Variants in MYCBP observed in about 807,000 individuals in gnomAD.
MYCBP encodes C-Myc-binding protein.
Under a neutral mutation model 16.8 loss-of-function variants are expected in MYCBP, and 5 were observed. That is an observed-to-expected ratio of 0.30 (90% CI 0.16 to 0.63). MYCBP has a LOEUF of 0.63. MYCBP is among the 20% of genes least tolerant of loss of function. The pLI is 0.83. For missense variants in MYCBP, 103 were observed against 121.8 expected, an observed-to-expected ratio of 0.85 and a Z score of 0.73; for synonymous variants, 35 against 43.7, an observed-to-expected ratio of 0.80 and a Z score of 0.79.
intron 2 of MYCBP, among the ~76,000 whole-genome samples, chr1:38,871,427 CTTTTTT>C (rs71573793): frequency 8.1e-5 from 9 of 110,592 alleles, no homozygotes; most frequent in African/African-American, 2.6e-4. Context: ...CCACCTGTCA[CTTTTTT>C]TTTTTTTTTT....
chr1:38,868,658 C>G (rs547954465), intron 2 of MYCBP, among the ~76,000 whole-genome samples: 9 of 152,250 alleles, frequency 5.9e-5, no homozygotes, highest in African/African-American at 9.6e-5. Context: ...GTAATCCCAG[C>G]ACTTTGGGAG....
In MYCBP at chr1:38,865,864, T is replaced by C. The variant is rs554881082; in HGVS notation, c.267+1016A>G. ...TCCTAACAAATTTACAGAGGGCCGC[T>C]ACATATGGCCTTGCAAACTATGAAC... On this transcript the variant is annotated intron_variant, in intron 4 of 4. Coordinates refer to ENST00000397572, the MANE Select transcript of MYCBP (RefSeq NM_012333.5). Among the ~76,000 whole-genome samples, 18 of 152,186 alleles carry C rather than the reference T, an allele frequency of 1.2e-4. No homozygotes were observed. The South Asian group carries it at 3.5e-3, about 30-fold the overall frequency.
At position 38,866,044 on chromosome 1, in the gene MYCBP, CTTTTTT is replaced by C. The variant is rs71057153; in HGVS notation, c.267+830_267+835del. 2.3e-4 allele frequency among the ~76,000 whole-genome samples: 15 copies of C among 65,718 alleles called. 1 individual carries two copies. The South Asian group carries it at 2.8e-3, about 12-fold the overall frequency. 43.1% of individuals were successfully genotyped at this position (65,718 alleles called of 152,430 possible). On this transcript the variant is annotated intron_variant, in intron 4 of 4. Transcript: ENST00000397572. ...TAGTAATACAGGTTCCTAAGAACCT[CTTTTTT>C]TTTTTTTTTTTTTTTGAGACAGAGT...
chr1:38,873,251 T>G, intron 1 of MYCBP, 40 bp downstream of exon 1: 1 of 1,597,428 alleles, frequency 6.3e-7, no homozygotes. Flanking sequence ...AGCGGCTTGC[T>G]ACCGCCCGCA....
chr1:38,870,916 T>G (rs1404995291), intron 2 of MYCBP, among the ~76,000 whole-genome samples: 1 of 151,698 alleles, frequency 6.6e-6, no homozygotes, highest in African/African-American at 2.4e-5. Flanking sequence ...CTGATGTTAT[T>G]TAGGAGCCTG....
chr1:38,870,526 GCTCA>G (rs1642438109), intron 2 of MYCBP, among the ~76,000 whole-genome samples: 1 of 151,768 alleles, frequency 6.6e-6, no homozygotes, highest in Non-Finnish European at 1.5e-5. Flanking sequence ...GGGCGCGGTG[GCTCA>G]CGCCTGTAAT....
rs1156700880 is a variant in MYCBP, at chr1:38,863,297, A to G, written c.*1373T>C. The G allele has an allele frequency of 4.6e-5, 7 of 152,182 alleles. No individual in the cohort carries two copies. Among genetic ancestry groups the G allele is most frequent in the African/African-American group, 1.7e-4 (7 of 41,442 alleles). 9.4% of individuals were successfully genotyped at this position (152,182 alleles called of 1,614,324 possible). Reference sequence around the variant, plus strand: ...ACAGGTGCCAAGGCTTTTGCTAGTTAAACCAGTTTTCATTGGATCATTTTG... The same window carrying G: ...ACAGGTGCCAAGGCTTTTGCTAGTTGAACCAGTTTTCATTGGATCATTTTG... On this transcript the variant is annotated 3_prime_UTR_variant, in exon 5 of 5. Coordinates refer to ENST00000397572, the MANE Select transcript of MYCBP (RefSeq NM_012333.5).
intron 3 of MYCBP, 65 bp downstream of exon 3, chr1:38,867,497 G>T: frequency 1.6e-6 from 2 of 1,235,298 alleles, no homozygotes; most frequent in Non-Finnish European, 2.3e-6. Flanking sequence ...GTATTTTAAA[G>T]GTTATTATCT....
At chr1:38,866,286 G>A (rs1642337059) in intron 4 of MYCBP, among the ~76,000 whole-genome samples, 1 of 151,958 alleles carries the variant, frequency 6.6e-6, no homozygotes, top group South Asian at 2.1e-4. Context: ...GACCGCAGGT[G>A]ATCTGCCCAC....
intron 2 of MYCBP, among the ~76,000 whole-genome samples, chr1:38,870,063 G>A (rs1023829500): frequency 1.3e-4 from 19 of 151,596 alleles, no homozygotes; most frequent in African/African-American, 2.7e-4. Flanking sequence ...CCAGCTACTT[G>A]GGAGGCTGAG....
At chr1:38,868,437 TA>T (rs1192396252) in intron 2 of MYCBP, among the ~76,000 whole-genome samples, 2 of 152,326 alleles carry the variant, frequency 1.3e-5, no homozygotes, top group Non-Finnish European at 2.9e-5. Flanking sequence ...AAATAAGATA[TA>T]CTTGAGTGGT....
chr1:38,864,496 G>A lies in MYCBP; in HGVS notation c.*174C>T, dbSNP rs753040593. ...GGATTCTCCTGCTTTAAGACCCAAAGAAAGTTATATTGAGTTTTTATTGAT... is the reference window on the plus strand; with the variant it reads ...GGATTCTCCTGCTTTAAGACCCAAAAAAAGTTATATTGAGTTTTTATTGAT... On this transcript the variant is annotated 3_prime_UTR_variant, in exon 5 of 5. Transcript: ENST00000397572. The A allele has an allele frequency of 1.4e-6, 1 of 698,928 alleles. No homozygotes were observed. The highest frequency in any genetic ancestry group is 2.4e-6 in the Non-Finnish European group (1 of 416,604). 43.3% of individuals were successfully genotyped at this position (698,928 alleles called of 1,614,324 possible). A position where few individuals can be genotyped will look rare whatever the true frequency, so the allele number is the denominator to read the frequency against.
intron 2 of MYCBP, among the ~76,000 whole-genome samples, chr1:38,871,983 C>T (rs1642475796): frequency 6.6e-6 from 1 of 152,218 alleles, no homozygotes; most frequent in Non-Finnish European, 1.5e-5. Flanking sequence ...TAGCACAGTA[C>T]TTTCACAGAG....
At position 38,871,736 on chromosome 1, in the gene MYCBP, C is replaced by T. The variant is rs985992697; in HGVS notation, c.88+1282G>A. On this transcript the variant is annotated intron_variant, in intron 2 of 4. Coordinates refer to ENST00000397572, the MANE Select transcript of MYCBP (RefSeq NM_012333.5). ...CTCACCTGTTACTCTTTATCCCTAA[C>T]TTTGCTGTATTTTTATCTGTACCAC... Among the ~76,000 whole-genome samples the T allele has an allele frequency of 2.6e-5, 4 of 152,010 alleles. No individual in the cohort carries two copies. The South Asian group carries it at 6.2e-4, about 24-fold the overall frequency.
intron 2 of MYCBP, among the ~76,000 whole-genome samples, chr1:38,869,324 G>A (rs571734814): frequency 6.6e-6 from 1 of 152,220 alleles, no homozygotes; most frequent in South Asian, 2.1e-4. Context: ...CCAGCCTCAG[G>A]TGATCCACCC....
chr1:38,865,657 CCGAGCA>C, intron 4 of MYCBP, among the ~76,000 whole-genome samples: 1 of 152,030 alleles, frequency 6.6e-6, no homozygotes, highest in African/African-American at 2.4e-5. Flanking sequence ...TAAAAATTAG[CCGAGCA>C]TGGTGGCAAA....
Position 38,873,285 on chromosome 1 carries a change from C to G in MYCBP, c.15+6G>C, listed in dbSNP as rs1285534766. 45 of 1,602,398 alleles carry G rather than the reference C, an allele frequency of 2.8e-5. No individual in the cohort carries two copies. Among genetic ancestry groups the G allele is most frequent in the Non-Finnish European group, 3.6e-5 (42 of 1,178,694 alleles). ...CATGCCCCCAGCCACGCCGCGCCCC[C>G]CTCACTTTGTAATGGGCCATAGTGA... On this transcript the variant is annotated splice_donor_region_variant and intron_variant, in intron 1 of 4. Transcript: ENST00000397572.
At chr1:38,868,680 C>A (rs550704828) in intron 2 of MYCBP, among the ~76,000 whole-genome samples, 1 of 152,086 alleles carries the variant, frequency 6.6e-6, no homozygotes, top group Non-Finnish European at 1.5e-5. Flanking sequence ...CCAAGGCGGG[C>A]AGATCACGAA....
chr1:38,870,799 C>CAAAAAAAAA (rs60684785), intron 2 of MYCBP, among the ~76,000 whole-genome samples: 8 of 60,684 alleles, frequency 1.3e-4, no homozygotes, highest in African/African-American at 4.0e-4. Context: ...GACTCCGTCT[C>CAAAAAAAAA]AAAAAAAAAA....
Sources: allele counts gnomAD v4.1 joint callset (sites outside exome capture counted in the v4.1 genomes callset), GRCh38; gene constraint gnomAD v4.1.1; transcripts MANE v1.5; gene names NCBI Gene and HGNC (gene_info 2026-07-23, HGNC 2026-07-21).